PDC: variants seen among roughly 807,000 people sequenced by gnomAD.
PDC encodes phosducin.
Under a neutral mutation model 22.2 loss-of-function variants are expected in PDC, and 19 were observed. The observed-to-expected ratio is 0.86, with a 90% confidence interval of 0.60 to 1.26. PDC has a LOEUF of 1.26. Among genes scored for constraint, PDC ranks in the 50% most tolerant of loss-of-function variants. PDC has a pLI of 0.00. For synonymous variants in PDC, 97 were observed against 96.2 expected (o/e 1.01, Z -0.05); for missense variants, 274 against 286.8 (o/e 0.96, Z 0.32).
chr1:186,444,068 C>T lies in PDC; in HGVS notation c.652G>A (p.Glu218Lys), dbSNP rs1416968567. Residue 218 changes from glutamate to lysine, a missense_variant, in exon 4 of 4, where the codon GAG becomes AAG. Glu to Lys is a moderately conservative substitution (Grantham distance 56, BLOSUM62 1). Transcript: ENST00000391997. ...AACCCATATTCATTTAGGAAAGACT[C>T]CACATCCCCAGCAAAAAATTCTTCA... ...FAEEFFAGDV[E>K]SFLNEYGLLP... 1 of 1,613,404 alleles carries T rather than the reference C, an allele frequency of 6.2e-7. No homozygotes were observed.
chr1:186,458,873 C>T (rs1662522521), intron 1 of PDC, among the ~76,000 whole-genome samples: 2 of 152,176 alleles, frequency 1.3e-5, no homozygotes, highest in African/African-American at 4.8e-5. Flanking sequence ...AGCTGAAAGC[C>T]TGGAGAGGCT....
intron 1 of PDC, among the ~76,000 whole-genome samples, 158 bp from the exon 2 acceptor site, chr1:186,449,641 T>TA (rs974324457): frequency 6.6e-6 from 1 of 152,160 alleles, no homozygotes; most frequent in Non-Finnish European, 1.5e-5. Flanking sequence ...AAGTAAGTGG[T>TA]AAAGTATTTA....
rs368766732 is a variant in PDC at position 186,458,015 on chromosome 1, T to C, written c.-25+3044A>G. On this transcript the variant is annotated intron_variant, in intron 1 of 3. Transcript: ENST00000391997. ...CAAATAGTTTTGCTTTTTCAACAAA[T>C]GGGACTGGGCAGGGGAGTTGTAGGG... 5.9e-5 allele frequency among the ~76,000 whole-genome samples: 9 copies of C among 152,120 alleles called. 1 individual carries two copies. The highest frequency in any genetic ancestry group is 3.9e-4 in the Admixed American group (6 of 15,270).
chr1:186,452,824 A>C (rs1053202084), intron 1 of PDC, among the ~76,000 whole-genome samples: 3 of 152,222 alleles, frequency 2.0e-5, no homozygotes, highest in African/African-American at 7.2e-5. Context: ...AAAGTAAGGC[A>C]AGAAGGCAGA....
Position 186,443,704 on chromosome 1 carries a change from T to C in PDC, c.*275A>G, listed in dbSNP as rs1296959964. The C allele has an allele frequency of 1.0e-5, 3 of 298,540 alleles. No individual in the cohort carries two copies. Among genetic ancestry groups the C allele is most frequent in the Non-Finnish European group, 1.9e-5 (3 of 161,802 alleles). The allele number at this position is 298,540 out of a possible 1,614,324, so 18.5% of individuals were successfully genotyped here. On this transcript the variant is annotated 3_prime_UTR_variant, in exon 4 of 4. Coordinates refer to ENST00000391997, the MANE Select transcript of PDC (RefSeq NM_002597.5). ...TGGAGTAAAAAAGACAAAACATAAC[T>C]TGAAAGGGATTTTTGAAAAATGTCA...
Position 186,456,217 on chromosome 1 carries a change from T to C in PDC, c.-25+4842A>G, listed in dbSNP as rs116111497. 3.2e-3 allele frequency among the ~76,000 whole-genome samples: 479 copies of C among 151,858 alleles called. 3 individuals carry two copies. The highest frequency in any genetic ancestry group is 4.6e-3 in the Non-Finnish European group (313 of 67,904). On this transcript the variant is annotated intron_variant, in intron 1 of 3. Coordinates refer to ENST00000391997, the MANE Select transcript of PDC (RefSeq NM_002597.5). ...TTTAGTATACAGCATATATACTCAC[T>C]TTAGTCCAGGTCAGATCAAGTAACT...
At chr1:186,456,537 C>T (rs1375555367) in intron 1 of PDC, among the ~76,000 whole-genome samples, 2 of 152,292 alleles carry the variant, frequency 1.3e-5, no homozygotes, top group East Asian at 3.9e-4. Context: ...CTATAGCATA[C>T]CTGACATCTT....
intron 2 of PDC, 113 bp downstream of exon 2, chr1:186,449,286 A>G (rs1662298667): frequency 4.1e-6 from 2 of 485,146 alleles, no homozygotes; most frequent in Non-Finnish European, 7.0e-6. Context: ...TAGCATAACA[A>G]TTTATATAAA....
In PDC at chr1:186,443,601, T is replaced by A. The variant is rs1662150275; in HGVS notation, c.*378A>T. The A allele has an allele frequency of 1.2e-5, 2 of 160,464 alleles. No homozygotes were observed. The highest frequency in any genetic ancestry group is 4.8e-5 in the African/African-American group (2 of 41,732). The allele number at this position is 160,464 out of a possible 1,614,324, so 9.9% of individuals were successfully genotyped here. On this transcript the variant is annotated 3_prime_UTR_variant, in exon 4 of 4. Transcript: ENST00000391997. Reference sequence around the variant, plus strand: ...AGAAAATTTATTTTCTCATGAGATTTCATTTTTATTACACAAAGAAAATTA... The same window carrying A: ...AGAAAATTTATTTTCTCATGAGATTACATTTTTATTACACAAAGAAAATTA...
chr1:186,458,071 G>A (rs963746241), intron 1 of PDC, among the ~76,000 whole-genome samples: 5 of 151,908 alleles, frequency 3.3e-5, no homozygotes, highest in African/African-American at 9.7e-5. Flanking sequence ...TGTCAGGAAT[G>A]CATAGCAAAT....
intron 2 of PDC, among the ~76,000 whole-genome samples, 175 bp downstream of exon 2, chr1:186,449,224 A>G (rs1171811665): frequency 6.6e-6 from 1 of 152,134 alleles, no homozygotes; most frequent in African/African-American, 2.4e-5. Flanking sequence ...TAAAACTGTT[A>G]GGAATTATTT....
At position 186,444,549 on chromosome 1, in the gene PDC, T is replaced by C; in HGVS notation, c.214-43A>G. ...ATAGAAATTATTAAGTCAGAAGTTT[T>C]ATTCCTTAGATATACCAAGCCCATT... On this transcript the variant is annotated intron_variant, in intron 3 of 3. Transcript: ENST00000391997. 3.0e-6 allele frequency: 4 copies of C among 1,349,198 alleles called. No homozygotes were observed. In the South Asian group the frequency reaches 3.8e-5, roughly 13 times the overall value. The allele number at this position is 1,349,198 out of a possible 1,614,324, so 83.6% of individuals were successfully genotyped here. A position where few individuals can be genotyped will look rare whatever the true frequency, so the allele number is the denominator to read the frequency against.
Position 186,444,114 on chromosome 1 carries a change from AAT to A in PDC, c.604_605del (p.Ile202Ter). On this transcript the variant is annotated frameshift_variant, in exon 4 of 4. Coordinates refer to ENST00000391997, the MANE Select transcript of PDC (RefSeq NM_002597.5). LOFTEE classifies it high-confidence loss of function. ...CTTCAGCAAACTGTTCAGCAACACT[AAT>A]AAAATTGCTTATGAGTTCCCCACCT... ...YKGGELISNF[I>X]SVAEQFAEEF... The A allele has an allele frequency of 6.2e-7, 1 of 1,614,022 alleles. No individual in the cohort carries two copies.
intron 1 of PDC, among the ~76,000 whole-genome samples, chr1:186,455,077 C>G (rs963416742): frequency 6.6e-5 from 10 of 152,062 alleles, no homozygotes; most frequent in Non-Finnish European, 1.3e-4. Flanking sequence ...GCTGCTATAA[C>G]GAAATATAGA....
chr1:186,457,324 AT>A (rs1345283177), intron 1 of PDC, among the ~76,000 whole-genome samples: 1 of 152,198 alleles, frequency 6.6e-6, no homozygotes. Context: ...ATGTCAGATC[AT>A]GAAAGTATTA....
At chr1:186,452,242 T>A (rs955362950) in intron 1 of PDC, among the ~76,000 whole-genome samples, 1 of 152,174 alleles carries the variant, frequency 6.6e-6, no homozygotes, top group African/African-American at 2.4e-5. Context: ...ACAATTAATT[T>A]TTTTTTGTCT....
rs372016238 is a variant in PDC at position 186,444,448 on chromosome 1, C to T, written c.272G>A (p.Arg91His). Residue 91 changes from arginine (R) to histidine (H), a missense_variant, in exon 4 of 4, where the codon CGT (arginine) becomes CAT (histidine). By Grantham distance (29) the Arg-to-His change is conservative. Coordinates refer to ENST00000391997, the MANE Select transcript of PDC (RefSeq NM_002597.5). The stretch of plus-strand genomic sequence containing the variant: ...CTGCATACACTGTCTACGGTATTTA[C>T]GAAGGCAGTTTTCATCCTCTTTCTC... ...HKEKEDENCL[R>H]KYRRQCMQDM... 2.9e-5 allele frequency: 47 copies of T among 1,611,946 alleles called. No individual in the cohort carries two copies. The highest frequency in any genetic ancestry group is 1.0e-4 in the Admixed American group (6 of 59,980).
At chr1:186,445,430 A>G (rs1413361576) in intron 3 of PDC, among the ~76,000 whole-genome samples, 1 of 152,146 alleles carries the variant, frequency 6.6e-6, no homozygotes, top group Non-Finnish European at 1.5e-5. Context: ...AAAGTTTATG[A>G]TGCTTTCATT....
intron 1 of PDC, chr1:186,450,979 C>T (rs575938473): frequency 6.6e-6 from 1 of 152,266 alleles, no homozygotes; most frequent in Non-Finnish European, 1.5e-5. Flanking sequence ...GGCACTATAT[C>T]GCACAGTTTA....
Sources: allele counts gnomAD v4.1 joint callset (sites outside exome capture counted in the v4.1 genomes callset), GRCh38; gene constraint gnomAD v4.1.1; transcripts MANE v1.5; gene names NCBI Gene and HGNC (gene_info 2026-07-23, HGNC 2026-07-21).